EXOC6: variants seen among roughly 807,000 people sequenced by gnomAD.
EXOC6 encodes SEC15-like 1.
Under a neutral mutation model 112.5 loss-of-function variants are expected in EXOC6, and 60 were observed. The ratio of observed to expected loss-of-function variants is 0.53; its 90% CI spans 0.43 to 0.66. The LOEUF is 0.66. Among genes scored for constraint, EXOC6 ranks in the 30% least tolerant of loss-of-function variants. The pLI is 0.00. For missense variants in EXOC6, 855 were observed against 957.1 expected, an observed-to-expected ratio of 0.89 and a Z score of 1.41; for synonymous variants, 295 against 308.0, an observed-to-expected ratio of 0.96 and a Z score of 0.44.
rs1850045092 is a variant in EXOC6, at chr10:92,899,615, T to C, written c.429T>C (p.Ser143=). ...QLCLPVLEMY[S]KLKEQMSAKR... is the part of the protein sequence containing the mutation. ...TTAATGCAGTGCTAGAAATGTACAGTAAGCTGAAAGAACAGATGAGTGCCA... is the reference window on the plus strand; with the variant it reads ...TTAATGCAGTGCTAGAAATGTACAGCAAGCTGAAAGAACAGATGAGTGCCA... Residue 143 remains serine, a synonymous_variant, in exon 5 of 22, where the codon AGT becomes AGC. Coordinates refer to ENST00000260762, the MANE Select transcript of EXOC6 (RefSeq NM_019053.6). The C allele has an allele frequency of 6.2e-7, 1 of 1,608,330 alleles. No homozygotes were observed. The highest frequency in any genetic ancestry group is 1.1e-5 in the South Asian group (1 of 89,618).
chr10:92,870,713 CTTT>C (rs35387359), intron 1 of EXOC6, among the ~76,000 whole-genome samples: 2 of 143,188 alleles, frequency 1.4e-5, no homozygotes, highest in African/African-American at 2.5e-5. Context: ...TAGGTGTTAT[CTTT>C]TTTTTTTTTT....
intron 8 of EXOC6, among the ~76,000 whole-genome samples, 195 bp from the exon 9 acceptor site, chr10:92,928,144 A>G (rs1281513582): frequency 1.3e-5 from 2 of 152,198 alleles, no homozygotes; most frequent in Non-Finnish European, 2.9e-5. Flanking sequence ...ATTCTTCCTA[A>G]TAGTCATGAT....
chr10:92,986,993 C>A (rs925258744), intron 18 of EXOC6, among the ~76,000 whole-genome samples: 1 of 151,836 alleles, frequency 6.6e-6, no homozygotes, highest in African/African-American at 2.4e-5. Flanking sequence ...TTTAGTGTGC[C>A]GTCTTTCCTC....
chr10:92,955,799 G>C lies in EXOC6; in HGVS notation c.1773+85G>C, dbSNP rs139336871. 8 of 1,210,088 alleles carry C rather than the reference G, an allele frequency of 6.6e-6. No individual in the cohort carries two copies. The East Asian group carries it at 1.5e-4, about 22-fold the overall frequency. The allele number at this position is 1,210,088 out of a possible 1,614,324, so 75.0% of individuals were successfully genotyped here. On this transcript the variant is annotated intron_variant, in intron 17 of 21. Transcript: ENST00000260762. ...TTAAAGACCGTTCTTATATATGCAA[G>C]ATCTACTATATTCCTAAAAATTAAG... is the stretch of plus-strand genomic sequence containing the variant.
intron 20 of EXOC6, among the ~76,000 whole-genome samples, chr10:93,054,261 A>G (rs1231131913): frequency 6.6e-6 from 1 of 152,188 alleles, no homozygotes; most frequent in Non-Finnish European, 1.5e-5. Context: ...TACCTAGCAC[A>G]GTATCTAGCA....
intron 6 of EXOC6, among the ~76,000 whole-genome samples, chr10:92,910,339 A>G (rs1850673927): frequency 6.6e-6 from 1 of 152,224 alleles, no homozygotes; most frequent in Non-Finnish European, 1.5e-5. Context: ...TATGAATCTC[A>G]CAGATGTGTT....
In EXOC6 at chr10:92,848,612, G is replaced by T. The variant is rs764669743; in HGVS notation, c.79G>T (p.Ala27Ser). Reference sequence around the variant, plus strand: ...GCAGGAGATCGAGAGCACCGACACCGCCTGTGTGGGGCCCACCCTCCGGTA... The same window carrying T: ...GCAGGAGATCGAGAGCACCGACACCTCCTGTGTGGGGCCCACCCTCCGGTA... Reference protein sequence around the residue: ...ILQEIESTDTACVGPTLRSVY... With the variant: ...ILQEIESTDTSCVGPTLRSVY... The change falls in exon 1 of 22, where the codon GCC (alanine) becomes TCC (serine). Residue 27 changes from alanine (A) to serine (S), a missense_variant. Coordinates refer to ENST00000260762, the MANE Select transcript of EXOC6 (RefSeq NM_019053.6). 6.9e-7 allele frequency: 1 copy of T among 1,445,630 alleles called. No individual in the cohort carries two copies. The highest frequency in any genetic ancestry group is 9.2e-7 in the Non-Finnish European group (1 of 1,082,270). The allele number at this position is 1,445,630 out of a possible 1,614,324, so 89.6% of individuals were successfully genotyped here.
rs372961243 is a variant in EXOC6 at position 92,893,522 on chromosome 10, T to C, written c.273+2T>C. 2 of 1,593,688 alleles carry C rather than the reference T, an allele frequency of 1.3e-6. No homozygotes were observed. The highest frequency in any genetic ancestry group is 2.7e-5 in the African/African-American group (2 of 73,916). The stretch of plus-strand genomic sequence containing the variant: ...AGGACTGATGCAGAAAAACTGAAGG[T>C]AAGAAATATGTTAAAATTATTTGCC... On this transcript the variant is annotated splice_donor_variant, in intron 2 of 21. Coordinates refer to ENST00000260762, the MANE Select transcript of EXOC6 (RefSeq NM_019053.6). LOFTEE classifies it high-confidence loss of function.
At chr10:92,918,032 C>A (rs112846670) in intron 7 of EXOC6, among the ~76,000 whole-genome samples, 3,341 of 152,202 alleles carry the variant, frequency 0.022, 126 homozygotes, top group African/African-American at 0.077. Flanking sequence ...GTATTCCCAG[C>A]TACTGGGGAG....
At chr10:93,033,174 A>G (rs1845348079) in intron 20 of EXOC6, among the ~76,000 whole-genome samples, 1 of 152,144 alleles carries the variant, frequency 6.6e-6, no homozygotes, top group African/African-American at 2.4e-5. Context: ...GTATTTTGAG[A>G]GTTTATTCTG....
chr10:92,851,271 T>TA (rs2133627468), intron 1 of EXOC6, among the ~76,000 whole-genome samples: 1 of 152,254 alleles, frequency 6.6e-6, no homozygotes, highest in South Asian at 2.1e-4. Flanking sequence ...ATACAGAAAG[T>TA]CAGTGAAACT....
chr10:92,896,199 TTTTTTTTTTTTTTTTTTTG>T (rs1849814825), intron 4 of EXOC6, among the ~76,000 whole-genome samples: 3 of 49,630 alleles, frequency 6.0e-5, no homozygotes, highest in African/African-American at 9.3e-5. Context: ...TTTTTTTTTT[TTTTTTTTTTTTTTTTTTTG>T]GCGGAGTCTC....
At chr10:92,972,685 CT>C (rs1388383867) in intron 17 of EXOC6, among the ~76,000 whole-genome samples, 1 of 152,172 alleles carries the variant, frequency 6.6e-6, no homozygotes, top group Non-Finnish European at 1.5e-5. Flanking sequence ...GGTTTACACC[CT>C]GTTTTTCAGG....
At chr10:92,986,450 A>G (rs988762806) in intron 18 of EXOC6, among the ~76,000 whole-genome samples, 3 of 151,892 alleles carry the variant, frequency 2.0e-5, no homozygotes, top group African/African-American at 7.3e-5. Context: ...ACTGCCTACT[A>G]GGGTTAATTA....
chr10:93,004,182 C>A lies in EXOC6; in HGVS notation c.2095+6567C>A, dbSNP rs534251933. On this transcript the variant is annotated intron_variant, in intron 19 of 21. Transcript: ENST00000260762. ...TCCAGGCATTTTGGAGGAGGGAATA[C>A]ATAAAAAGAGTGAATGAGTAAAGGT... Among the ~76,000 whole-genome samples, 105 of 152,140 alleles carry A rather than the reference C, an allele frequency of 6.9e-4. 1 individual carries two copies. The highest frequency in any genetic ancestry group is 3.3e-3 in the Admixed American group (50 of 15,270).
chr10:92,854,007 C>CAAAAAAAAA (rs34153493), intron 1 of EXOC6, among the ~76,000 whole-genome samples: 1 of 120,084 alleles, frequency 8.3e-6, no homozygotes. Context: ...GTCCCTGTCT[C>CAAAAAAAAA]AAAAAAAAAA....
rs149877104 is a variant in EXOC6, at chr10:93,007,225, C to T, written c.2096-6969C>T. On this transcript the variant is annotated intron_variant, in intron 19 of 21. Coordinates refer to ENST00000260762, the MANE Select transcript of EXOC6 (RefSeq NM_019053.6). Reference sequence around the variant, plus strand: ...ATCTTGGCAATTTTCCTTCCCCCCTCGTAACAAACCCTTTACATTTTGCAT... The same window carrying T: ...ATCTTGGCAATTTTCCTTCCCCCCTTGTAACAAACCCTTTACATTTTGCAT... Among the ~76,000 whole-genome samples, 13 of 152,198 alleles carry T rather than the reference C, an allele frequency of 8.5e-5. No homozygotes were observed. The East Asian group carries it at 2.5e-3, about 29-fold the overall frequency.
chr10:92,843,596 T>A (rs761425706), upstream of EXOC6, among the ~76,000 whole-genome samples: 3 of 152,198 alleles, frequency 2.0e-5, no homozygotes, highest in Non-Finnish European at 2.9e-5. Context: ...ACGCCTGTAA[T>A]CCCAGCACTT....
chr10:92,956,550 A>G (rs148091611), intron 17 of EXOC6, among the ~76,000 whole-genome samples: 25 of 152,260 alleles, frequency 1.6e-4, no homozygotes, highest in African/African-American at 5.5e-4. Context: ...ATTTAACCAT[A>G]TGTTGCAAGT....
Sources: gnomAD v4.1 joint callset for allele counts (sites outside exome capture counted in the v4.1 genomes callset) on GRCh38, gnomAD v4.1.1 for gene constraint, MANE v1.5 for transcripts, NCBI Gene and HGNC (gene_info 2026-07-23, HGNC 2026-07-21) for gene names.